FABP12: variants seen among roughly 807,000 people sequenced by gnomAD.
The protein encoded by FABP12 is fatty acid-binding protein 12.
In FABP12, 19 loss-of-function variants were observed where a neutral mutation model predicts 13.7. That is an observed-to-expected ratio of 1.39 (90% CI 0.97 to 2.04). The LOEUF (loss-of-function observed/expected upper bound fraction) is 2.04. Among genes scored for constraint, FABP12 ranks in the 30% most tolerant of loss-of-function variants. The pLI is 0.00. For missense variants in FABP12, 182 were observed against 164.2 expected (o/e 1.11, Z -0.59); for synonymous variants, 61 against 57.0 (o/e 1.07, Z -0.32).
chr8:81,527,022 C>T (rs773076749), exon 4 of FABP12: 3 of 1,599,044 alleles, frequency 1.9e-6, no homozygotes, highest in Non-Finnish European at 2.6e-6. Context: ...TAACTCACCA[C>T]CACCATTTTC....
intron 1 of FABP12, among the ~76,000 whole-genome samples, chr8:81,582,743 T>C (rs1429204933): frequency 6.6e-6 from 1 of 152,112 alleles, no homozygotes; most frequent in African/African-American, 2.4e-5. Flanking sequence ...AGAGAGACTG[T>C]AATACAGTAA....
intron 1 of FABP12, among the ~76,000 whole-genome samples, chr8:81,547,997 T>A (rs1280531228): frequency 6.6e-6 from 1 of 152,210 alleles, no homozygotes; most frequent in Non-Finnish European, 1.5e-5. Flanking sequence ...ATATTTGACC[T>A]ACTACACATC....
chr8:81,572,333 C>G (rs533366943), intron 1 of FABP12, among the ~76,000 whole-genome samples: 1 of 152,156 alleles, frequency 6.6e-6, no homozygotes, highest in Non-Finnish European at 1.5e-5. Context: ...AAATATGCCA[C>G]AGTTTCTTTA....
intron 1 of FABP12, among the ~76,000 whole-genome samples, chr8:81,579,830 G>T (rs1454746382): frequency 1.3e-5 from 2 of 151,868 alleles, no homozygotes; most frequent in Non-Finnish European, 2.9e-5. Flanking sequence ...CTGAAAATTG[G>T]TTTTTATTCT....
At chr8:81,574,919 T>G (rs1219912270) in intron 1 of FABP12, among the ~76,000 whole-genome samples, 3 of 145,982 alleles carry the variant, frequency 2.1e-5, no homozygotes, top group Admixed American at 2.0e-4. Context: ...TCATTTATCT[T>G]TTGTATTTTT....
At chr8:81,567,499 T>C (rs1354024090) in intron 1 of FABP12, among the ~76,000 whole-genome samples, 1 of 151,854 alleles carries the variant, frequency 6.6e-6, no homozygotes, top group Non-Finnish European at 1.5e-5. Context: ...CAGAAATAAA[T>C]CCATAAATCT....
At chr8:81,525,604 T>A (rs1413767366) in intron 4 of FABP12, among the ~76,000 whole-genome samples, 1 of 152,108 alleles carries the variant, frequency 6.6e-6, no homozygotes, top group Non-Finnish European at 1.5e-5. Context: ...ATAGGACCTA[T>A]CTGTTAGCTG....
chr8:81,527,961 G>GAAT (rs554276374), intron 3 of FABP12, among the ~76,000 whole-genome samples: 5 of 151,392 alleles, frequency 3.3e-5, no homozygotes, highest in Non-Finnish European at 5.9e-5. Context: ...TCTCAATAAA[G>GAAT]AATAATAATA....
At chr8:81,574,637 G>A (rs1218562577) in intron 1 of FABP12, among the ~76,000 whole-genome samples, 1 of 152,040 alleles carries the variant, frequency 6.6e-6, no homozygotes, top group Non-Finnish European at 1.5e-5. Context: ...GCTCGTTATT[G>A]TTCTGTTCAG....
chr8:81,583,788 T>C (rs1810203132), intron 1 of FABP12, among the ~76,000 whole-genome samples: 1 of 152,208 alleles, frequency 6.6e-6, no homozygotes, highest in Non-Finnish European at 1.5e-5. Flanking sequence ...ACACTAGTTT[T>C]CTTCAAACTC....
intron 1 of FABP12, among the ~76,000 whole-genome samples, chr8:81,583,846 C>T (rs117642610): frequency 0.028 from 4,211 of 152,116 alleles, 90 homozygotes; most frequent in South Asian, 0.087. Context: ...TTATATAAGG[C>T]CAGCATTACC....
exon 4 of FABP12, chr8:81,527,105 T>C (rs185223281): frequency 4.4e-4 from 699 of 1,605,498 alleles, no homozygotes; most frequent in Non-Finnish European, 5.5e-4. Flanking sequence ...GGACTCCTTA[T>C]CTAAGGTTAC....
At chr8:81,576,288 A>G (rs1338153981) in intron 1 of FABP12, among the ~76,000 whole-genome samples, 2 of 152,172 alleles carry the variant, frequency 1.3e-5, no homozygotes, top group Non-Finnish European at 1.5e-5. Context: ...TTTTTTTCCA[A>G]TGAATGATTC....
At chr8:81,558,569 C>T (rs957282384) in intron 1 of FABP12, among the ~76,000 whole-genome samples, 3 of 152,034 alleles carry the variant, frequency 2.0e-5, no homozygotes, top group Admixed American at 1.3e-4. Context: ...GTCACATAGC[C>T]GAGATACTCT....
chr8:81,543,646 G>A (rs1809388975), intron 1 of FABP12, among the ~76,000 whole-genome samples: 1 of 152,158 alleles, frequency 6.6e-6, no homozygotes, highest in African/African-American at 2.4e-5. Context: ...CAAAATGGCT[G>A]GAATGAAGTG....
chr8:81,553,796 C>T (rs573512205), intron 1 of FABP12, among the ~76,000 whole-genome samples: 14 of 152,288 alleles, frequency 9.2e-5, no homozygotes, highest in Non-Finnish European at 1.6e-4. Context: ...CCTCGATGTA[C>T]GTAGTGCAGT....
chr8:81,534,119 T>A (rs540918688), upstream of FABP12, among the ~76,000 whole-genome samples: 7 of 151,850 alleles, frequency 4.6e-5, no homozygotes, highest in Non-Finnish European at 8.8e-5. Context: ...ACTCTCTCTC[T>A]CACACACATA....
chr8:81,554,462 A>C (rs769926961), intron 1 of FABP12, among the ~76,000 whole-genome samples: 2 of 152,202 alleles, frequency 1.3e-5, no homozygotes, highest in Non-Finnish European at 2.9e-5. Context: ...CTGATTCCAA[A>C]ACCCATTCCC....
At chr8:81,547,947 C>A (rs1195316605) in intron 1 of FABP12, among the ~76,000 whole-genome samples, 2 of 152,106 alleles carry the variant, frequency 1.3e-5, no homozygotes, top group East Asian at 3.8e-4. Context: ...AGAATTCATA[C>A]AGAAAAGAAA....
Sources: gnomAD v4.1 joint callset for allele counts (sites outside exome capture counted in the v4.1 genomes callset) on GRCh38, gnomAD v4.1.1 for gene constraint, MANE v1.5 for transcripts, NCBI Gene and HGNC (gene_info 2026-07-23, HGNC 2026-07-21) for gene names.